VPS13D: variants seen among roughly 807,000 people sequenced by gnomAD.
The protein encoded by VPS13D is vacuolar protein sorting 13 homolog D, also known as intermembrane lipid transfer protein VPS13D.
VPS13D carries 187 observed loss-of-function variants against 461.9 expected under a neutral mutation model. That is an observed-to-expected ratio of 0.40 (90% CI 0.36 to 0.46). The LOEUF is 0.46. VPS13D is among the 20% of genes least tolerant of loss of function. The probability of loss-of-function intolerance (pLI) is 0.60; values close to 1 mark genes in which losing one functional copy is unlikely to be tolerated. For synonymous variants in VPS13D, 1,951 were observed against 1,986.3 expected (o/e 0.98, Z 0.47); for missense variants, 4,711 against 5,364.9 (o/e 0.88, Z 3.81).
intron 2 of VPS13D, among the ~76,000 whole-genome samples, chr1:12,239,987 G>T (rs368420960): frequency 6.6e-6 from 1 of 152,042 alleles, no homozygotes; most frequent in East Asian, 1.9e-4. Flanking sequence ...CTCTTTGGAG[G>T]GACCTTTCCC....
intron 67 of VPS13D, among the ~76,000 whole-genome samples, chr1:12,463,464 C>T (rs2100424593): frequency 6.6e-6 from 1 of 152,242 alleles, no homozygotes; most frequent in Admixed American, 6.5e-5. Context: ...TAGAAGAGAG[C>T]ACTTGGGCTG....
At chr1:12,249,787 TA>T (rs1640675323) in intron 6 of VPS13D, among the ~76,000 whole-genome samples, 1 of 152,180 alleles carries the variant, frequency 6.6e-6, no homozygotes, top group Admixed American at 6.5e-5. Context: ...CTTCACACTC[TA>T]CACAAAAAAC....
At chr1:12,425,921 T>C (rs1419107004) in intron 65 of VPS13D, among the ~76,000 whole-genome samples, 1 of 152,262 alleles carries the variant, frequency 6.6e-6, no homozygotes, top group African/African-American at 2.4e-5. Context: ...CAAAAGGTTG[T>C]AGAAGCAAAA....
Position 12,396,029 on chromosome 1 carries a change from A to ATATATATATATATATATATATATATATT in VPS13D, c.11635-4152_11635-4151insTATATATATATATATATATATATATATT, listed in dbSNP as rs1553187933. 8.4e-4 allele frequency among the ~76,000 whole-genome samples: 101 copies of ATATATATATATATATATATATATATATT among 119,786 alleles called. 10 individuals are homozygous for ATATATATATATATATATATATATATATT. The highest frequency in any genetic ancestry group is 2.9e-3 in the African/African-American group (75 of 26,136). The allele number at this position is 119,786 out of a possible 152,430, so 78.6% of individuals were successfully genotyped here. ...TATATATATATATATATATATATATAGTTCTTTAAGATCAATAAAATTAAT... is the reference window on the plus strand; with the variant it reads ...TATATATATATATATATATATATATATATATATATATATATATATATATATATTGTTCTTTAAGATCAATAAAATTAAT... On this transcript the variant is annotated intron_variant, in intron 60 of 69. Coordinates refer to ENST00000620676, the MANE Select transcript of VPS13D (RefSeq NM_015378.4).
At chr1:12,429,827 A>G (rs562886067) in intron 65 of VPS13D, among the ~76,000 whole-genome samples, 142 of 152,304 alleles carry the variant, frequency 9.3e-4, no homozygotes, top group African/African-American at 3.2e-3. Context: ...TATTGATTGG[A>G]CCCAGGCTTC....
rs553172604 is a variant in VPS13D, at chr1:12,403,142, G to A, written c.11882-683G>A. ...CTCTCTGGTTTTATTTCCAAGGCAC[G>A]TGAAGCCAAGGCAAAATATGCTGCC... is the stretch of plus-strand genomic sequence containing the variant. On this transcript the variant is annotated intron_variant, in intron 62 of 69. Coordinates refer to ENST00000620676, the MANE Select transcript of VPS13D (RefSeq NM_015378.4). 1.2e-4 allele frequency among the ~76,000 whole-genome samples: 19 copies of A among 152,336 alleles called. No individual in the cohort carries two copies. The East Asian group carries it at 2.5e-3, about 20-fold the overall frequency.
At chr1:12,349,667 G>A (rs1394104755) in intron 46 of VPS13D, among the ~76,000 whole-genome samples, 1 of 152,046 alleles carries the variant, frequency 6.6e-6, no homozygotes, top group Non-Finnish European at 1.5e-5. Context: ...ATATAGAGAC[G>A]GGAAGGAAAA....
chr1:12,304,175 C>T (rs1997724), intron 25 of VPS13D, among the ~76,000 whole-genome samples: 142,753 of 152,346 alleles, frequency 0.94, 67,011 homozygotes, highest in East Asian at 1. Flanking sequence ...TTGCTTTTGC[C>T]GCATTTGACC....
intron 66 of VPS13D, 58 bp downstream of exon 66, chr1:12,456,188 T>G: frequency 6.4e-7 from 1 of 1,551,006 alleles, no homozygotes; most frequent in South Asian, 1.2e-5. Flanking sequence ...CGCCTTTGTA[T>G]CAATCTGATT....
rs78538309 is a variant in VPS13D at position 12,497,494 on chromosome 1, A to G, written c.12663-6A>G. The stretch of plus-strand genomic sequence containing the variant: ...CTCTTGGCTTTATGTCCATTTACCC[A>G]TCTAGGACTCAAGCACAGAGGGTTC... On this transcript the variant is annotated splice_region_variant and splice_polypyrimidine_tract_variant and intron_variant, in intron 67 of 69. Transcript: ENST00000620676. 10 of 1,612,880 alleles carry G rather than the reference A, an allele frequency of 6.2e-6. No individual in the cohort carries two copies. The East Asian group carries it at 2.2e-4, about 36-fold the overall frequency.
chr1:12,480,227 G>C (rs770513819), intron 67 of VPS13D, among the ~76,000 whole-genome samples: 5 of 152,318 alleles, frequency 3.3e-5, no homozygotes, highest in Admixed American at 2.0e-4. Context: ...TCTTTGCTCT[G>C]CCATGCTGCC....
chr1:12,433,949 A>AGAGAGAGAGAGAGAGAGAGTGT (rs1553121770), intron 65 of VPS13D, among the ~76,000 whole-genome samples: 25 of 144,922 alleles, frequency 1.7e-4, no homozygotes, highest in African/African-American at 6.4e-4. Context: ...AGAGAGAGAG[A>AGAGAGAGAGAGAGAGAGAGTGT]GTGTGTGTGT....
At chr1:12,381,979 T>TC in intron 57 of VPS13D, among the ~76,000 whole-genome samples, 2 of 141,160 alleles carry the variant, frequency 1.4e-5, no homozygotes, top group Non-Finnish European at 3.0e-5. Context: ...TCTTTCTTTC[T>TC]TTCTCTCTCT....
chr1:12,351,393 C>T (rs774373638), intron 46 of VPS13D, among the ~76,000 whole-genome samples: 10 of 151,764 alleles, frequency 6.6e-5, no homozygotes, highest in Admixed American at 2.0e-4. Context: ...TGGATTCAAG[C>T]GATTCTCCTG....
intron 65 of VPS13D, among the ~76,000 whole-genome samples, chr1:12,448,636 T>C (rs1224773323): frequency 6.6e-6 from 1 of 152,206 alleles, no homozygotes; most frequent in Non-Finnish European, 1.5e-5. Flanking sequence ...TAATTCTTTA[T>C]AATCAATGTA....
chr1:12,275,808 CT>C lies in VPS13D; in HGVS notation c.2237-9del, dbSNP rs758212766. The C allele has an allele frequency of 9.1e-6, 14 of 1,544,180 alleles. No homozygotes were observed. Among genetic ancestry groups the C allele is most frequent in the Admixed American group, 2.2e-5 (1 of 46,222 alleles). ...AATAGCAGACATATATTTGAATCTT[CT>C]TTTTTTTATCTTCAGATAACTCCAG... On this transcript the variant is annotated splice_polypyrimidine_tract_variant and intron_variant, in intron 18 of 69. Transcript: ENST00000620676.
At chr1:12,340,512 C>T (rs1291057210) in intron 40 of VPS13D, among the ~76,000 whole-genome samples, 1 of 152,204 alleles carries the variant, frequency 6.6e-6, no homozygotes, top group East Asian at 1.9e-4. Flanking sequence ...GTGACAATTA[C>T]CGACTGTTAT....
intron 67 of VPS13D, among the ~76,000 whole-genome samples, chr1:12,464,376 G>T (rs1645452950): frequency 6.6e-6 from 1 of 152,124 alleles, no homozygotes; most frequent in Non-Finnish European, 1.5e-5. Flanking sequence ...TGCTTCCTTT[G>T]TAATATTTCA....
chr1:12,468,246 T>A (rs953479675), intron 67 of VPS13D, among the ~76,000 whole-genome samples: 2 of 152,276 alleles, frequency 1.3e-5, no homozygotes. Context: ...TGAGAAAAAA[T>A]TTGTATTTTG....
Sources: allele counts gnomAD v4.1 joint callset (sites outside exome capture counted in the v4.1 genomes callset), GRCh38; gene constraint gnomAD v4.1.1; transcripts MANE v1.5; gene names NCBI Gene and HGNC (gene_info 2026-07-23, HGNC 2026-07-21).